The following ALKBH5 variants were observed in gnomAD, a reference collection of about 807,000 sequenced individuals.
The protein encoded by ALKBH5 is alkB homolog 5, RNA demethylase.
Under a neutral mutation model 32.1 loss-of-function variants are expected in ALKBH5, and 2 were observed. The observed-to-expected ratio is 0.06, with a 90% CI of 0.03 to 0.20. The LOEUF is 0.20. Among genes scored for constraint, ALKBH5 ranks in the 10% least tolerant of loss-of-function variants. ALKBH5 has a pLI of 1.00. For missense variants in ALKBH5, 352 were observed against 559.5 expected, an observed-to-expected ratio of 0.63 and a Z score of 3.74; for synonymous variants, 300 against 231.7, an observed-to-expected ratio of 1.29 and a Z score of -2.68.
chr17:18,184,267 G>C lies in ALKBH5; in HGVS notation c.24G>C (p.Thr8=). 1 of 1,522,330 alleles carries C rather than the reference G, an allele frequency of 6.6e-7. No homozygotes were observed. The highest frequency in any genetic ancestry group is 8.8e-7 in the Non-Finnish European group (1 of 1,138,932). 94.3% of individuals were successfully genotyped at this position (1,522,330 alleles called of 1,614,324 possible). A position where few individuals can be genotyped will look rare whatever the true frequency, so the allele number is the denominator to read the frequency against. ...CCATGGCGGCCGCCAGCGGCTACAC[G>C]GACCTGCGTGAGAAGCTCAAGTCCA... MAAASGY[T]DLREKLKSMT... is the part of the protein sequence containing the mutation. The change falls in exon 1 of 4, where the codon ACG becomes ACC. Residue 8 remains threonine (T), a synonymous_variant. Transcript: ENST00000399138.
At chr17:18,201,797 A>ATAGG (rs2047239895) in intron 2 of ALKBH5, among the ~76,000 whole-genome samples, 6 of 37,384 alleles carry the variant, frequency 1.6e-4, no homozygotes, top group Non-Finnish European at 2.8e-4. Context: ...GATAGATAAG[A>ATAGG]TAGATAGATA....
At chr17:18,191,478 T>C (rs1298151848) in intron 1 of ALKBH5, among the ~76,000 whole-genome samples, 1 of 152,118 alleles carries the variant, frequency 6.6e-6, no homozygotes, top group African/African-American at 2.4e-5. Context: ...GGGGATGGGG[T>C]CAGGGAGCAT....
chr17:18,203,514 G>T (rs944372268), intron 2 of ALKBH5, among the ~76,000 whole-genome samples: 2 of 152,206 alleles, frequency 1.3e-5, no homozygotes, highest in African/African-American at 4.8e-5. Flanking sequence ...TCACATGCCC[G>T]AGGTGCTTTG....
chr17:18,193,238 G>A (rs2047187486), intron 1 of ALKBH5, among the ~76,000 whole-genome samples: 1 of 704 alleles, frequency 1.4e-3, no homozygotes, highest in African/African-American at 1.7e-3. Context: ...GCTTGAGGGA[G>A]AAGGTGGATC....
intron 3 of ALKBH5, among the ~76,000 whole-genome samples, chr17:18,207,524 G>A (rs2047276089): frequency 6.6e-6 from 1 of 152,034 alleles, no homozygotes. Flanking sequence ...TTAGCCAGGC[G>A]TGGTGGCAGG....
Position 18,195,012 on chromosome 17 carries a change from C to T in ALKBH5, c.828C>T (p.Arg276=). 6.2e-7 allele frequency: 1 copy of T among 1,613,688 alleles called. No individual in the cohort carries two copies. The highest frequency in any genetic ancestry group is 8.5e-7 in the Non-Finnish European group (1 of 1,179,954). ...HCIRPQDIKE[R]RAVIILRKTR... is the part of the protein sequence containing the mutation. Reference sequence around the variant, plus strand: ...TACGGCCTCAGGACATCAAGGAGCGCCGAGCAGTCATCATCCTCAGGAAGT... The same window carrying T: ...TACGGCCTCAGGACATCAAGGAGCGTCGAGCAGTCATCATCCTCAGGAAGT... Residue 276 remains arginine, a synonymous_variant, in exon 2 of 4, where the codon CGC becomes CGT. Coordinates refer to ENST00000399138, the MANE Select transcript of ALKBH5 (RefSeq NM_017758.4).
At chr17:18,191,742 G>T (rs117071827) in intron 1 of ALKBH5, among the ~76,000 whole-genome samples, 8,797 of 152,138 alleles carry the variant, frequency 0.058, 360 homozygotes, top group Non-Finnish European at 0.082. Flanking sequence ...GGCCGAGGTG[G>T]GTGGATCACG....
intron 2 of ALKBH5, among the ~76,000 whole-genome samples, chr17:18,201,850 T>A (rs79662533): frequency 0.018 from 1,317 of 72,960 alleles, 6 homozygotes; most frequent in Non-Finnish European, 0.026. Flanking sequence ...ATAGATAGAT[T>A]GATTGATTGA....
chr17:18,184,450 C>T lies in ALKBH5; in HGVS notation c.207C>T (p.Ser69=), dbSNP rs912907074. The change falls in exon 1 of 4, where the codon AGC becomes AGT. Residue 69 remains serine (S), a synonymous_variant. Transcript: ENST00000399138. ...KYQEDSDPER[S]DYEEQQLQKE... is the part of the protein sequence containing the mutation. The stretch of plus-strand genomic sequence containing the variant: ...AGGAGGACTCGGACCCCGAGCGCAG[C>T]GACTATGAGGAGCAGCAGCTGCAGA... 2.5e-6 allele frequency: 4 copies of T among 1,609,840 alleles called. No homozygotes were observed. The South Asian group carries it at 3.3e-5, about 13-fold the overall frequency.
chr17:18,197,818 A>T (rs1481287328), intron 2 of ALKBH5, among the ~76,000 whole-genome samples: 1 of 152,242 alleles, frequency 6.6e-6, no homozygotes, highest in Non-Finnish European at 1.5e-5. Context: ...CCCAGGAACC[A>T]TTCACAGACT....
At chr17:18,201,237 C>G (rs1051316027) in intron 2 of ALKBH5, among the ~76,000 whole-genome samples, 1 of 152,168 alleles carries the variant, frequency 6.6e-6, no homozygotes, top group African/African-American at 2.4e-5. Flanking sequence ...CATTTGTTCC[C>G]TGGTTCAGTA....
At chr17:18,190,269 G>C (rs2047165578) in intron 1 of ALKBH5, among the ~76,000 whole-genome samples, 1 of 152,206 alleles carries the variant, frequency 6.6e-6, no homozygotes, top group Non-Finnish European at 1.5e-5. Flanking sequence ...ATTTTTCAGG[G>C]CCAGGTGCGG....
chr17:18,185,323 T>A (rs1164173081), intron 1 of ALKBH5, among the ~76,000 whole-genome samples: 3 of 152,176 alleles, frequency 2.0e-5, no homozygotes, highest in Non-Finnish European at 4.4e-5. Flanking sequence ...ACCATCCATT[T>A]CTTAGCATAA....
At chr17:18,187,782 T>C (rs2047148354) in intron 1 of ALKBH5, among the ~76,000 whole-genome samples, 1 of 152,168 alleles carries the variant, frequency 6.6e-6, no homozygotes. Flanking sequence ...CCAGAGGTGA[T>C]GAGCAGTAAA....
intron 1 of ALKBH5, among the ~76,000 whole-genome samples, chr17:18,190,758 A>T (rs2047169635): frequency 6.6e-6 from 1 of 152,132 alleles, no homozygotes. Context: ...GGGAAGACAC[A>T]ATTTCCACAA....
chr17:18,197,584 T>C (rs1187346818), intron 2 of ALKBH5, among the ~76,000 whole-genome samples: 3 of 152,236 alleles, frequency 2.0e-5, no homozygotes, highest in African/African-American at 7.2e-5. Flanking sequence ...TGGCCATAGC[T>C]GGAGTGTCAG....
Position 18,184,297 on chromosome 17 carries a change from G to A in ALKBH5, c.54G>A (p.Thr18=), listed in dbSNP as rs754349957. The A allele has an allele frequency of 5.0e-5, 76 of 1,527,154 alleles. No homozygotes were observed. Among genetic ancestry groups the A allele is most frequent in the Admixed American group, 1.9e-4 (9 of 47,654 alleles). 94.6% of individuals were successfully genotyped at this position (1,527,154 alleles called of 1,614,324 possible). The stretch of plus-strand genomic sequence containing the variant: ...TGCGTGAGAAGCTCAAGTCCATGAC[G>A]TCCCGGGACAACTATAAGGCGGGCA... ...TDLREKLKSM[T]SRDNYKAGSR... Residue 18 remains threonine (T), a synonymous_variant, in exon 1 of 4, where the codon ACG becomes ACA. Coordinates refer to ENST00000399138, the MANE Select transcript of ALKBH5 (RefSeq NM_017758.4).
At chr17:18,191,066 C>A (rs2047171576) in intron 1 of ALKBH5, among the ~76,000 whole-genome samples, 1 of 152,204 alleles carries the variant, frequency 6.6e-6, no homozygotes, top group Non-Finnish European at 1.5e-5. Context: ...TGGAACTTTT[C>A]ATGCCAGCAG....
rs754271671 is a variant in ALKBH5, at chr17:18,208,214, T to C, written c.1008-5T>C. The C allele has an allele frequency of 1.2e-5, 20 of 1,601,012 alleles. No individual in the cohort carries two copies. The African/African-American group carries it at 2.3e-4, about 18-fold the overall frequency. On this transcript the variant is annotated splice_polypyrimidine_tract_variant and splice_region_variant and intron_variant, in intron 3 of 3. Transcript: ENST00000399138. ...AGATAACGTCCTACCTCCCTTTCCT[T>C]GCAGGCCACGGATCCTGGAGATGGA...
Sources: allele counts gnomAD v4.1 joint callset (sites outside exome capture counted in the v4.1 genomes callset), GRCh38; gene constraint gnomAD v4.1.1; transcripts MANE v1.5; gene names NCBI Gene and HGNC (gene_info 2026-07-23, HGNC 2026-07-21).